ME1: variants seen among roughly 807,000 people sequenced by gnomAD.
ME1 encodes the protein malic enzyme 1.
Under a neutral mutation model 66.4 loss-of-function variants are expected in ME1, and 74 were observed. The observed-to-expected ratio is 1.11, with a 90% CI of 0.92 to 1.35. The LOEUF is 1.35. Ranked by LOEUF, ME1 falls within the 40% of genes most tolerant of loss-of-function variation. The probability of loss-of-function intolerance (pLI) is 0.00; values close to 1 mark genes in which losing one functional copy is unlikely to be tolerated. For synonymous variants in ME1, 251 were observed against 235.6 expected (o/e 1.07, Z -0.60); for missense variants, 750 against 694.1 (o/e 1.08, Z -0.90).
intron 1 of ME1, among the ~76,000 whole-genome samples, chr6:83,413,780 T>G (rs1406951771): frequency 2.6e-5 from 4 of 152,168 alleles, no homozygotes; most frequent in Non-Finnish European, 5.9e-5. Context: ...TTGGAAATGA[T>G]TATTTTTAAA....
intron 5 of ME1, among the ~76,000 whole-genome samples, chr6:83,318,702 G>T (rs1202554116): frequency 2.9e-3 from 91 of 31,656 alleles, no homozygotes; most frequent in East Asian, 3.4e-3. Context: ...TACACTGTTG[G>T]TGGGACTGTA....
At chr6:83,298,415 T>G (rs979975702) in intron 6 of ME1, among the ~76,000 whole-genome samples, 2 of 151,230 alleles carry the variant, frequency 1.3e-5, no homozygotes, top group Non-Finnish European at 3.0e-5. Flanking sequence ...GGGCTGTGTG[T>G]TTTTTTTTAT....
At chr6:83,356,247 T>C (rs1768887268) in intron 3 of ME1, among the ~76,000 whole-genome samples, 1 of 152,134 alleles carries the variant, frequency 6.6e-6, no homozygotes, top group Non-Finnish European at 1.5e-5. Context: ...AATAACCCTC[T>C]GTTCCATTAC....
chr6:83,394,745 A>T (rs553194231), intron 3 of ME1, among the ~76,000 whole-genome samples: 2 of 152,314 alleles, frequency 1.3e-5, no homozygotes, highest in East Asian at 3.9e-4. Flanking sequence ...GTAGAAAGAC[A>T]TATGCAACTT....
chr6:83,300,862 C>G (rs377625525), intron 6 of ME1, among the ~76,000 whole-genome samples: 2 of 152,222 alleles, frequency 1.3e-5, no homozygotes, highest in African/African-American at 4.8e-5. Flanking sequence ...GAATACTATG[C>G]AGTGATAAAA....
intron 2 of ME1, among the ~76,000 whole-genome samples, chr6:83,402,261 A>G (rs1236908674): frequency 1.3e-5 from 2 of 152,112 alleles, no homozygotes; most frequent in Non-Finnish European, 2.9e-5. Context: ...ATCAGTGTCC[A>G]AAAAAATGGT....
intron 3 of ME1, among the ~76,000 whole-genome samples, chr6:83,387,562 G>A (rs983609259): frequency 4.6e-5 from 7 of 151,722 alleles, no homozygotes; most frequent in Admixed American, 2.0e-4. Context: ...TGGTCATGAT[G>A]GCATACTAGA....
intron 3 of ME1, among the ~76,000 whole-genome samples, chr6:83,397,790 C>A (rs1489689116): frequency 2.0e-5 from 3 of 152,140 alleles, no homozygotes; most frequent in Non-Finnish European, 4.4e-5. Context: ...TAGGATACCA[C>A]TCAGCCTTAA....
chr6:83,243,616 G>A (rs1376456343), intron 7 of ME1, among the ~76,000 whole-genome samples: 8 of 95,922 alleles, frequency 8.3e-5, no homozygotes, highest in Non-Finnish European at 1.3e-4. Context: ...ACATTATATC[G>A]ATATAATCTA....
At chr6:83,272,201 T>C (rs1047939033) in intron 6 of ME1, among the ~76,000 whole-genome samples, 2 of 152,142 alleles carry the variant, frequency 1.3e-5, no homozygotes, top group African/African-American at 2.4e-5. Flanking sequence ...CCTAGAGATA[T>C]GACTATGAAA....
rs1562472978 is a variant in ME1, at chr6:83,297,090, C to T, written c.704+18220G>A. Among the ~76,000 whole-genome samples the T allele has an allele frequency of 2.0e-5, 3 of 151,982 alleles. No individual in the cohort carries two copies. The South Asian group carries it at 6.2e-4, about 32-fold the overall frequency. On this transcript the variant is annotated intron_variant, in intron 6 of 13. Transcript: ENST00000369705. ...TCCATAAGAAAATAACATTAATAAA[C>T]TTCAATAAACTTTAGATTCTCCTTG...
chr6:83,289,117 T>C (rs1304220034), intron 6 of ME1, among the ~76,000 whole-genome samples: 2 of 152,238 alleles, frequency 1.3e-5, no homozygotes, highest in Non-Finnish European at 2.9e-5. Flanking sequence ...TGAATTCCTC[T>C]CTTCCTACTT....
chr6:83,316,960 A>G (rs1193908906), intron 5 of ME1, among the ~76,000 whole-genome samples: 1 of 148,678 alleles, frequency 6.7e-6, no homozygotes, highest in Non-Finnish European at 1.5e-5. Flanking sequence ...AAATAAAAAT[A>G]AAAAAAAAAG....
chr6:83,253,093 T>C (rs952035693), intron 7 of ME1, among the ~76,000 whole-genome samples: 1 of 152,108 alleles, frequency 6.6e-6, no homozygotes. Context: ...AAGATTCTCA[T>C]AGTAAGACAT....
At chr6:83,391,222 A>C (rs2128549781) in intron 3 of ME1, among the ~76,000 whole-genome samples, 1 of 152,268 alleles carries the variant, frequency 6.6e-6, no homozygotes, top group East Asian at 1.9e-4. Flanking sequence ...CAGATGAGGA[A>C]ACCGAAGCAC....
chr6:83,334,662 A>T (rs1245104252), intron 5 of ME1, among the ~76,000 whole-genome samples: 3 of 43,968 alleles, frequency 6.8e-5, no homozygotes, highest in Non-Finnish European at 1.2e-4. Context: ...CTGACCCCTG[A>T]CCCCCGAGCA....
At chr6:83,236,730 A>G (rs994547032) in intron 9 of ME1, among the ~76,000 whole-genome samples, 2 of 152,190 alleles carry the variant, frequency 1.3e-5, no homozygotes, top group African/African-American at 2.4e-5. Context: ...GTTTTCTCTC[A>G]GGAATTCCCA....
At chr6:83,259,011 A>G (rs1047433130) in intron 6 of ME1, among the ~76,000 whole-genome samples, 2 of 152,210 alleles carry the variant, frequency 1.3e-5, no homozygotes, top group African/African-American at 2.4e-5. Flanking sequence ...TATTATAGGA[A>G]ATATATGAAC....
At chr6:83,226,595 G>A (rs1790201839) in intron 11 of ME1, among the ~76,000 whole-genome samples, 2 of 152,044 alleles carry the variant, frequency 1.3e-5, no homozygotes, top group South Asian at 4.1e-4. Context: ...ACTAATTCTA[G>A]TATTGAGCAT....
Sources: gnomAD v4.1 joint callset for allele counts (sites outside exome capture counted in the v4.1 genomes callset) on GRCh38, gnomAD v4.1.1 for gene constraint, MANE v1.5 for transcripts, NCBI Gene and HGNC (gene_info 2026-07-23, HGNC 2026-07-21) for gene names.